GALNT13: variants seen among roughly 807,000 people sequenced by gnomAD.
The protein encoded by GALNT13 is UDP-GalNAc:polypeptide N-acetylgalactosaminyltransferase 13.
Under a neutral mutation model 64.2 loss-of-function variants are expected in GALNT13, and 28 were observed. The observed-to-expected ratio is 0.44, with a 90% CI of 0.32 to 0.60. GALNT13 has a LOEUF of 0.60. Ranked by LOEUF, GALNT13 falls within the 20% of genes least tolerant of loss-of-function variation. The pLI, the probability that GALNT13 is intolerant of heterozygous loss-of-function variation, is 0.05. For synonymous variants in GALNT13, 214 were observed against 224.6 expected (o/e 0.95, Z 0.42); for missense variants, 577 against 669.8 (o/e 0.86, Z 1.53).
chr2:154,004,363 G>A (rs916620011), intron 3 of GALNT13, among the ~76,000 whole-genome samples: 3 of 151,856 alleles, frequency 2.0e-5, no homozygotes, highest in Admixed American at 2.0e-4. Flanking sequence ...GCATCGCCAC[G>A]CCCAGCTAAT....
the GALNT13 span, among the ~76,000 whole-genome samples, chr2:153,246,360 G>C: frequency 6.6e-6 from 1 of 152,080 alleles, no homozygotes; most frequent in Non-Finnish European, 1.5e-5. Flanking sequence ...GGTTCTGAAA[G>C]GGTGAAACAA....
the GALNT13 span, among the ~76,000 whole-genome samples, chr2:153,341,185 A>G: frequency 1.3e-5 from 2 of 152,244 alleles, no homozygotes; most frequent in African/African-American, 4.8e-5. Flanking sequence ...TTACAAAGTT[A>G]AGGATAATAA....
chr2:154,298,772 ATATT>A (rs1559076223), intron 8 of GALNT13, among the ~76,000 whole-genome samples: 2 of 121,790 alleles, frequency 1.6e-5, no homozygotes, highest in Non-Finnish European at 3.3e-5. Context: ...TATAAATTAT[ATATT>A]TATTTATATA....
chr2:153,372,898 CTCTT>C, the GALNT13 span, among the ~76,000 whole-genome samples: 4 of 152,072 alleles, frequency 2.6e-5, no homozygotes, highest in South Asian at 2.1e-4. Flanking sequence ...TGCCTTTGTT[CTCTT>C]TCTATCTTAA....
At position 154,453,850 on chromosome 2, in the gene GALNT13, C is replaced by A. The variant is rs1001494788; in HGVS notation, c.*3299C>A. 1 of 152,182 alleles carries A rather than the reference C, an allele frequency of 6.6e-6. No individual in the cohort carries two copies. Among genetic ancestry groups the A allele is most frequent in the East Asian group, 1.9e-4 (1 of 5,178 alleles). 9.4% of individuals were successfully genotyped at this position (152,182 alleles called of 1,614,324 possible). On this transcript the variant is annotated 3_prime_UTR_variant, in exon 13 of 13. Coordinates refer to ENST00000392825, the MANE Select transcript of GALNT13 (RefSeq NM_052917.4). ...TATATTTAGACAGGATTTCCAAAAACTTTGTCTTCAAATTTTAATTTTCTT... is the reference window on the plus strand; with the variant it reads ...TATATTTAGACAGGATTTCCAAAAAATTTGTCTTCAAATTTTAATTTTCTT...
the GALNT13 span, among the ~76,000 whole-genome samples, chr2:153,079,487 A>G: frequency 1.3e-5 from 2 of 152,180 alleles, no homozygotes; most frequent in Non-Finnish European, 2.9e-5. Context: ...GCTATTTAAG[A>G]TGACTTATCT....
At chr2:153,697,980 A>C in the GALNT13 span, among the ~76,000 whole-genome samples, 1 of 152,220 alleles carries the variant, frequency 6.6e-6, no homozygotes, top group East Asian at 1.9e-4. Context: ...CCAGAATTTC[A>C]TATCCGGCCA....
In GALNT13 at chr2:154,352,289, G is replaced by T. The variant is rs904671453; in HGVS notation, c.1157-43702G>T. Among the ~76,000 whole-genome samples, 4 of 152,168 alleles carry T rather than the reference G, an allele frequency of 2.6e-5. No homozygotes were observed. In the East Asian group the frequency reaches 7.7e-4, roughly 29 times the overall value. On this transcript the variant is annotated intron_variant, in intron 9 of 12. Transcript: ENST00000392825. Reference sequence around the variant, plus strand: ...ATGCCACTGCAGTTGGCCTCCCATAGCTCTGCACTACCTGTTTCTGTTCTG... The same window carrying T: ...ATGCCACTGCAGTTGGCCTCCCATATCTCTGCACTACCTGTTTCTGTTCTG...
chr2:153,209,657 A>G, the GALNT13 span, among the ~76,000 whole-genome samples: 4 of 152,114 alleles, frequency 2.6e-5, no homozygotes, highest in African/African-American at 9.7e-5. Flanking sequence ...GGTCTTCTGC[A>G]TGTTCTAATA....
the GALNT13 span, among the ~76,000 whole-genome samples, chr2:153,635,245 C>T: frequency 1.3e-5 from 2 of 151,950 alleles, no homozygotes; most frequent in Non-Finnish European, 1.5e-5. Flanking sequence ...ATTTTGCCAT[C>T]CCCCAAGTGG....
chr2:153,421,935 G>A, the GALNT13 span: 375 of 179,734 alleles, frequency 2.1e-3, 1 homozygote, highest in African/African-American at 8.5e-3. Context: ...CCTCGCCAAG[G>A]TGGATGAAGA....
At chr2:154,420,889 T>C (rs1176642299) in intron 11 of GALNT13, among the ~76,000 whole-genome samples, 1 of 152,156 alleles carries the variant, frequency 6.6e-6, no homozygotes, top group Non-Finnish European at 1.5e-5. Flanking sequence ...TCCATACTTA[T>C]GATTAGTTGC....
chr2:154,394,026 C>A (rs1698933052), intron 9 of GALNT13, among the ~76,000 whole-genome samples: 1 of 116,696 alleles, frequency 8.6e-6, no homozygotes, highest in Admixed American at 1.3e-4. Flanking sequence ...TGCAGTGAGC[C>A]GAGATTGCGC....
At chr2:154,044,571 G>A (rs1699184469) in intron 3 of GALNT13, among the ~76,000 whole-genome samples, 1 of 152,140 alleles carries the variant, frequency 6.6e-6, no homozygotes, top group African/African-American at 2.4e-5. Flanking sequence ...TGAAACAGAA[G>A]GGAGCTAGGA....
At chr2:153,170,960 G>A in the GALNT13 span, among the ~76,000 whole-genome samples, 6 of 150,408 alleles carry the variant, frequency 4.0e-5, no homozygotes, top group African/African-American at 1.5e-4. Context: ...ACTTTATCAA[G>A]AGATGAAATT....
the GALNT13 span, among the ~76,000 whole-genome samples, chr2:153,473,135 A>G: frequency 2.0e-5 from 3 of 152,096 alleles, no homozygotes; most frequent in Middle Eastern, 3.2e-3. Context: ...GTGTATACCT[A>G]TGTAATAAAC....
chr2:153,619,821 G>A, the GALNT13 span, among the ~76,000 whole-genome samples: 2 of 152,022 alleles, frequency 1.3e-5, no homozygotes, highest in Admixed American at 1.3e-4. Context: ...AAACATTTTG[G>A]ATCTCTATTG....
chr2:153,718,286 G>A, the GALNT13 span, among the ~76,000 whole-genome samples: 1 of 151,996 alleles, frequency 6.6e-6, no homozygotes, highest in East Asian at 1.9e-4. Context: ...CAAAAAAACA[G>A]AATTAAGATT....
the GALNT13 span, among the ~76,000 whole-genome samples, chr2:153,541,730 A>C: frequency 3.9e-5 from 6 of 152,204 alleles, no homozygotes; most frequent in Non-Finnish European, 8.8e-5. Flanking sequence ...CTAGCTGGAC[A>C]GGGCTTGCTT....
Sources: allele counts gnomAD v4.1 joint callset (sites outside exome capture counted in the v4.1 genomes callset), GRCh38; gene constraint gnomAD v4.1.1; transcripts MANE v1.5; gene names NCBI Gene and HGNC (gene_info 2026-07-23, HGNC 2026-07-21).